NRXN1: variants seen among roughly 807,000 people sequenced by gnomAD.
NRXN1 encodes neurexin 1, also known as neurexin-1.
In NRXN1, 39 loss-of-function variants were observed where a neutral mutation model predicts 150.9. The ratio of observed to expected loss-of-function variants is 0.26; its 90% CI spans 0.20 to 0.34. The LOEUF (loss-of-function observed/expected upper bound fraction) is 0.34, where lower values mean the gene tolerates loss of function less well. Ranked by LOEUF, NRXN1 falls within the 10% of genes least tolerant of loss-of-function variation. The pLI, the probability that NRXN1 is intolerant of heterozygous loss-of-function variation, is 1.00. For missense variants in NRXN1, 1,815 were observed against 1,949.9 expected (o/e 0.93, Z 1.30); for synonymous variants, 924 against 757.0 (o/e 1.22, Z -3.62).
chr2:50,373,199 C>T (rs883026), intron 17 of NRXN1, among the ~76,000 whole-genome samples: 63,381 of 151,226 alleles, frequency 0.42, 13,544 homozygotes, highest in East Asian at 0.56. Flanking sequence ...CCAAACCACA[C>T]CCCAAGGAGG....
chr2:50,136,604 C>T (rs187071092), intron 18 of NRXN1, among the ~76,000 whole-genome samples: 107 of 152,022 alleles, frequency 7.0e-4, no homozygotes, highest in African/African-American at 2.3e-3. Context: ...TCATGGACCC[C>T]GGGATGTATT....
At chr2:50,837,993 A>G (rs1672346673) in intron 5 of NRXN1, among the ~76,000 whole-genome samples, 1 of 152,134 alleles carries the variant, frequency 6.6e-6, no homozygotes, top group South Asian at 2.1e-4. Context: ...CTGGCCTCAT[A>G]AGACTGTTGC....
Position 50,648,110 on chromosome 2 carries a change from T to C in NRXN1, c.833-24495A>G, listed in dbSNP as rs184356857. Among the ~76,000 whole-genome samples, 144 of 152,136 alleles carry C rather than the reference T, an allele frequency of 9.5e-4. 1 individual carries two copies. The highest frequency in any genetic ancestry group is 1.0e-4 in the Non-Finnish European group (7 of 67,976). On this transcript the variant is annotated intron_variant, in intron 5 of 22. Transcript: ENST00000401669. ...CTCATTTCATTATATGCATGAATTATTCCACATAAATAGCTCCTTGTTACA... is the reference window on the plus strand; with the variant it reads ...CTCATTTCATTATATGCATGAATTACTCCACATAAATAGCTCCTTGTTACA...
At chr2:50,756,613 A>T (rs1701181636) in intron 5 of NRXN1, among the ~76,000 whole-genome samples, 1 of 151,854 alleles carries the variant, frequency 6.6e-6, no homozygotes, top group African/African-American at 2.4e-5. Flanking sequence ...TTAGATGGAC[A>T]GAGCTTTAGA....
intron 17 of NRXN1, among the ~76,000 whole-genome samples, chr2:50,293,215 C>T (rs2152946414): frequency 6.6e-6 from 1 of 152,252 alleles, no homozygotes; most frequent in East Asian, 1.9e-4. Context: ...CCCTGCTTGA[C>T]ATCTGACTGC....
Position 50,506,501 on chromosome 2 carries a change from T to C in NRXN1, c.2491A>G (p.Met831Val), listed in dbSNP as rs200018177. The C allele has an allele frequency of 1.6e-5, 26 of 1,612,654 alleles. No homozygotes were observed. The highest frequency in any genetic ancestry group is 5.0e-5 in the Admixed American group (3 of 59,858). Residue 831 changes from methionine to valine, a missense_variant, in exon 13 of 23, where the codon ATG (methionine) becomes GTG (valine). Coordinates refer to ENST00000401669, the MANE Select transcript of NRXN1 (RefSeq NM_001330078.2). ...LKLTVDDQQA[M>V]TGQMAGDHTR... ...ATGGGACAGAGGTGTTTACCTGTCA[T>C]GGCCTGTTGGTCATCCACTGTTAAC...
At chr2:50,824,701 T>C (rs1178333826) in intron 5 of NRXN1, among the ~76,000 whole-genome samples, 1 of 152,010 alleles carries the variant, frequency 6.6e-6, no homozygotes, top group Non-Finnish European at 1.5e-5. Context: ...CAGGTGAATC[T>C]AGGGCCCAGA....
At chr2:50,175,198 T>C (rs2060278055) in intron 18 of NRXN1, 3 of 152,182 alleles carry the variant, frequency 2.0e-5, no homozygotes, top group Admixed American at 1.3e-4. Flanking sequence ...CAACAGGCCA[T>C]CCTGATAAGA....
chr2:50,426,260 T>C (rs1337537201), intron 17 of NRXN1, among the ~76,000 whole-genome samples: 1 of 152,192 alleles, frequency 6.6e-6, no homozygotes, highest in Non-Finnish European at 1.5e-5. Context: ...CCACCAATTG[T>C]GTTTCTTAGT....
At chr2:50,441,251 T>C (rs6720605) in intron 17 of NRXN1, among the ~76,000 whole-genome samples, 13 of 152,198 alleles carry the variant, frequency 8.5e-5, no homozygotes, top group Non-Finnish European at 4.4e-5. Flanking sequence ...CCCCAAATTA[T>C]AAATTGGCTA....
At chr2:50,391,835 T>C (rs961383860) in intron 17 of NRXN1, among the ~76,000 whole-genome samples, 12 of 152,168 alleles carry the variant, frequency 7.9e-5, no homozygotes, top group African/African-American at 9.6e-5. Context: ...TCCTCAATTA[T>C]GTCTCTTCTC....
intron 17 of NRXN1, among the ~76,000 whole-genome samples, chr2:50,374,847 G>T (rs909571522): frequency 1.3e-5 from 2 of 152,230 alleles, no homozygotes; most frequent in African/African-American, 4.8e-5. Flanking sequence ...ACAGGTTTCT[G>T]TAAAAGCTTT....
Position 50,053,478 on chromosome 2 carries a change from A to T in NRXN1, c.3921T>A (p.Val1307=). The part of the protein sequence containing the change: ...LSGLYYNGLK[V]LNMAAENDAN... ...CATCGTTTTCGGCTGCCATATTCAG[A>T]ACTTTCAAGCCATTGTAGTACAGCC... The change falls in exon 21 of 23, where the codon GTT becomes GTA. Residue 1307 remains valine (V), a synonymous_variant. Coordinates refer to ENST00000401669, the MANE Select transcript of NRXN1 (RefSeq NM_001330078.2). 6.2e-7 allele frequency: 1 copy of T among 1,614,052 alleles called. No individual in the cohort carries two copies. The highest frequency in any genetic ancestry group is 1.1e-5 in the South Asian group (1 of 91,086).
chr2:50,083,698 T>G (rs545644348), intron 19 of NRXN1, among the ~76,000 whole-genome samples: 1 of 152,298 alleles, frequency 6.6e-6, no homozygotes, highest in South Asian at 2.1e-4. Context: ...AGCCGATTGG[T>G]CTGTTTTTCA....
At chr2:50,177,270 T>G (rs2060411637) in intron 18 of NRXN1, among the ~76,000 whole-genome samples, 1 of 152,098 alleles carries the variant, frequency 6.6e-6, no homozygotes, top group African/African-American at 2.4e-5. Flanking sequence ...TCCTCCCTTT[T>G]GGAGTTTCCA....
At chr2:50,879,163 C>A (rs549010072) in intron 5 of NRXN1, among the ~76,000 whole-genome samples, 1 of 151,846 alleles carries the variant, frequency 6.6e-6, no homozygotes. Context: ...ACAGGTTTCT[C>A]AGAAAGGAGG....
At chr2:50,078,979 A>G (rs59366496) in intron 19 of NRXN1, among the ~76,000 whole-genome samples, 2,024 of 152,174 alleles carry the variant, frequency 0.013, 45 homozygotes, top group African/African-American at 0.046. Context: ...CAATTTTTAC[A>G]TTGGGATTCT....
chr2:50,451,057 C>T (rs1161687813), intron 17 of NRXN1, among the ~76,000 whole-genome samples: 1 of 152,198 alleles, frequency 6.6e-6, no homozygotes, highest in African/African-American at 2.4e-5. Flanking sequence ...ACCTCCGCCT[C>T]TCGGATTCAA....
chr2:50,586,567 T>TA lies in NRXN1; in HGVS notation c.1320+33454dup, dbSNP rs145046699. ...TTGGTGCAAGCCTTATTCAATATATTAAAAAAAAAAGTAGACTAATCAAAA... is the reference window on the plus strand; with the variant it reads ...TTGGTGCAAGCCTTATTCAATATATTAAAAAAAAAAAGTAGACTAATCAAAA... On this transcript the variant is annotated intron_variant, in intron 8 of 22. Transcript: ENST00000401669. Among the ~76,000 whole-genome samples the TA allele has an allele frequency of 9.9e-3, 1,463 of 148,276 alleles. 14 individuals carry two copies. Among genetic ancestry groups the TA allele is most frequent in the African/African-American group, 0.03 (1,218 of 40,566 alleles).
Sources: allele counts gnomAD v4.1 joint callset (sites outside exome capture counted in the v4.1 genomes callset), GRCh38; gene constraint gnomAD v4.1.1; transcripts MANE v1.5; gene names NCBI Gene and HGNC (gene_info 2026-07-23, HGNC 2026-07-21).